The following CPNE8 variants were observed in gnomAD, a reference collection of about 807,000 sequenced individuals.
CPNE8 encodes the protein copine-8.
CPNE8 carries 45 observed loss-of-function variants against 81.5 expected under a neutral mutation model. That is an observed-to-expected ratio of 0.55 (90% confidence interval 0.44 to 0.71). CPNE8 has a LOEUF of 0.71. CPNE8 is among the 30% of genes least tolerant of loss of function. The probability of loss-of-function intolerance (pLI) is 0.00; values close to 1 mark genes in which losing one functional copy is unlikely to be tolerated. For missense variants in CPNE8, 594 were observed against 672.1 expected, an observed-to-expected ratio of 0.88 and a Z score of 1.28; for synonymous variants, 252 against 226.3, an observed-to-expected ratio of 1.11 and a Z score of -1.02.
At chr12:38,664,742 T>C (rs1318849477) in intron 19 of CPNE8, among the ~76,000 whole-genome samples, 2 of 152,146 alleles carry the variant, frequency 1.3e-5, no homozygotes, top group Non-Finnish European at 1.5e-5. Context: ...CTTTAAAACA[T>C]GTTTATAAAT....
At chr12:38,691,766 T>C (rs1210928225) in intron 15 of CPNE8, among the ~76,000 whole-genome samples, 1 of 152,162 alleles carries the variant, frequency 6.6e-6, no homozygotes, top group Non-Finnish European at 1.5e-5. Context: ...AAGAAGTCAG[T>C]AGGTTCAGTT....
intron 7 of CPNE8, among the ~76,000 whole-genome samples, chr12:38,770,992 A>G (rs761875671): frequency 1.6e-4 from 24 of 152,158 alleles, no homozygotes; most frequent in Non-Finnish European, 3.4e-4. Flanking sequence ...TTCATTAAAA[A>G]CAAGGACCAG....
chr12:38,723,646 C>A, intron 13 of CPNE8, 126 bp downstream of exon 13: 1 of 702,562 alleles, frequency 1.4e-6, no homozygotes, highest in South Asian at 1.7e-5. Context: ...AAACAGAAGT[C>A]TAATAGGCTT....
intron 3 of CPNE8, among the ~76,000 whole-genome samples, chr12:38,862,926 A>G (rs1943859701): frequency 6.6e-6 from 1 of 152,166 alleles, no homozygotes; most frequent in Non-Finnish European, 1.5e-5. Context: ...TCAAGCCTGG[A>G]TGAGAGAATG....
chr12:38,742,026 A>T (rs4456302), intron 10 of CPNE8, among the ~76,000 whole-genome samples: 122,519 of 151,964 alleles, frequency 0.81, 52,358 homozygotes, highest in Middle Eastern at 0.97. Context: ...AGGAAACAAC[A>T]GGTGCTGGAG....
intron 3 of CPNE8, among the ~76,000 whole-genome samples, chr12:38,866,589 A>T (rs1006707067): frequency 1.4e-5 from 2 of 147,072 alleles, no homozygotes; most frequent in African/African-American, 5.4e-5. Flanking sequence ...GAGATATATA[A>T]CATGTTTTCA....
rs1203482666 is a variant in CPNE8, at chr12:38,806,296, C to A, written c.407+23083G>T. 2.0e-5 allele frequency among the ~76,000 whole-genome samples: 3 copies of A among 149,814 alleles called. 1 individual carries two copies. The highest frequency in any genetic ancestry group is 4.5e-4 in the East Asian group (2 of 4,482). On this transcript the variant is annotated intron_variant, in intron 6 of 19. Coordinates refer to ENST00000331366, the MANE Select transcript of CPNE8 (RefSeq NM_153634.3). ...GATACCAAAGCCAGGCAGAGACACA[C>A]CAAAAAAGATAATTTTAGACCAATA...
At chr12:38,767,825 C>T in intron 7 of CPNE8, 87 bp from the exon 8 acceptor site, 1 of 803,152 alleles carries the variant, frequency 1.2e-6, no homozygotes. Context: ...GACAAGAAAA[C>T]ATATTTGCTA....
intron 6 of CPNE8, 92 bp from the exon 7 acceptor site, chr12:38,776,393 C>G (rs1310626308): frequency 2.8e-6 from 1 of 356,220 alleles, no homozygotes; most frequent in African/African-American, 2.2e-5. Flanking sequence ...TTTATGTACT[C>G]TAATAAAGAG....
intron 14 of CPNE8, among the ~76,000 whole-genome samples, chr12:38,698,850 C>A (rs1031750671): frequency 1.3e-5 from 2 of 152,146 alleles, no homozygotes; most frequent in Non-Finnish European, 2.9e-5. Flanking sequence ...CTTCAATGTT[C>A]TTTTTCAAGT....
intron 10 of CPNE8, among the ~76,000 whole-genome samples, chr12:38,752,697 G>A (rs1164549185): frequency 1.3e-5 from 2 of 152,102 alleles, no homozygotes; most frequent in Admixed American, 6.5e-5. Context: ...CTTGGTAAAC[G>A]AAGAGTTAAC....
chr12:38,748,255 C>T (rs1252655583), intron 10 of CPNE8, among the ~76,000 whole-genome samples: 1 of 152,092 alleles, frequency 6.6e-6, no homozygotes, highest in Non-Finnish European at 1.5e-5. Context: ...AAGTGATCCG[C>T]CTGCCGCAGC....
chr12:38,670,579 T>A (rs7316392), intron 19 of CPNE8, 150 bp downstream of exon 19: 3 of 534,640 alleles, frequency 5.6e-6, no homozygotes, highest in Admixed American at 3.8e-5. Context: ...TCTGAGTATC[T>A]ACCAGATTAA....
At chr12:38,826,220 C>T (rs936292730) in intron 6 of CPNE8, among the ~76,000 whole-genome samples, 15 of 152,142 alleles carry the variant, frequency 9.9e-5, no homozygotes, top group African/African-American at 3.4e-4. Flanking sequence ...ATTTGCCTGA[C>T]AAGACTGTCC....
At chr12:38,677,589 A>G (rs1268149787) in intron 16 of CPNE8, 35 bp from the exon 17 acceptor site, 1 of 1,189,076 alleles carries the variant, frequency 8.4e-7, no homozygotes, top group Non-Finnish European at 1.3e-6. Context: ...AAAGTAAAAC[A>G]GTTTTCTATA....
intron 6 of CPNE8, among the ~76,000 whole-genome samples, chr12:38,806,346 A>T (rs569165598): frequency 6.7e-6 from 1 of 149,762 alleles, no homozygotes; most frequent in Non-Finnish European, 1.5e-5. Context: ...TGATGCAAAA[A>T]TCCTCAATAA....
chr12:38,768,329 GTTAA>G (rs1941731885), intron 7 of CPNE8, among the ~76,000 whole-genome samples: 2 of 151,958 alleles, frequency 1.3e-5, no homozygotes, highest in Non-Finnish European at 2.9e-5. Flanking sequence ...CAATTTGCAT[GTTAA>G]TTATTATGTC....
chr12:38,857,871 G>C (rs1943769656), intron 3 of CPNE8, among the ~76,000 whole-genome samples: 2 of 152,300 alleles, frequency 1.3e-5, no homozygotes, highest in South Asian at 2.1e-4. Context: ...ACTCCAGCCT[G>C]GGAGACAAGA....
At chr12:38,659,785 T>A (rs1388356903) in intron 19 of CPNE8, among the ~76,000 whole-genome samples, 2 of 152,116 alleles carry the variant, frequency 1.3e-5, no homozygotes, top group African/African-American at 2.4e-5. Flanking sequence ...AACAATCTGC[T>A]CAATGTGCAA....
Sources: allele counts gnomAD v4.1 joint callset (sites outside exome capture counted in the v4.1 genomes callset), GRCh38; gene constraint gnomAD v4.1.1; transcripts MANE v1.5; gene names NCBI Gene and HGNC (gene_info 2026-07-23, HGNC 2026-07-21).